CTIF: variants seen among roughly 807,000 people sequenced by gnomAD.
CTIF encodes CBP80/20-dependent translation initiation factor.
A neutral mutation model predicts 66.0 loss-of-function variants in CTIF; 21 were observed. The ratio of observed to expected loss-of-function variants is 0.32; its 90% confidence interval spans 0.23 to 0.46. The LOEUF (loss-of-function observed/expected upper bound fraction) is 0.46. CTIF is among the 20% of genes least tolerant of loss of function. The pLI is 1.00. For missense variants in CTIF, 739 were observed against 812.7 expected (o/e 0.91, Z 1.10); for synonymous variants, 345 against 326.4 (o/e 1.06, Z -0.62).
intron 1 of CTIF, among the ~76,000 whole-genome samples, chr18:48,597,131 A>C (rs2090000976): frequency 6.6e-6 from 1 of 152,220 alleles, no homozygotes; most frequent in Non-Finnish European, 1.5e-5. Flanking sequence ...GTGAACGAAG[A>C]AGTGTAACAT....
At chr18:48,596,985 T>C (rs1599212979) in intron 1 of CTIF, among the ~76,000 whole-genome samples, 1 of 152,138 alleles carries the variant, frequency 6.6e-6, no homozygotes, top group South Asian at 2.1e-4. Context: ...AACCTGAAGG[T>C]GTAAAGCCAT....
intron 6 of CTIF, among the ~76,000 whole-genome samples, chr18:48,678,376 G>T (rs970372457): frequency 1.4e-4 from 21 of 152,028 alleles, no homozygotes; most frequent in African/African-American, 4.8e-4. Context: ...CAAGGAGGGG[G>T]TCTTACAAAC....
chr18:48,663,585 G>A (rs1007700251), intron 3 of CTIF, among the ~76,000 whole-genome samples, 167 bp from the exon 4 acceptor site: 1 of 152,044 alleles, frequency 6.6e-6, no homozygotes, highest in African/African-American at 2.4e-5. Context: ...TGCCTGGGGG[G>A]AGGCCAGGAG....
intron 10 of CTIF, among the ~76,000 whole-genome samples, chr18:48,831,263 C>T (rs979097496): frequency 2.0e-5 from 3 of 152,284 alleles, no homozygotes; most frequent in Non-Finnish European, 2.9e-5. Flanking sequence ...TGCCTCTGTT[C>T]TGTCCCTGCC....
chr18:48,613,815 C>A (rs1168886021), intron 1 of CTIF, among the ~76,000 whole-genome samples: 1 of 152,222 alleles, frequency 6.6e-6, no homozygotes, highest in Non-Finnish European at 1.5e-5. Context: ...GGTCCTGCTG[C>A]AGCCCGGGCC....
At chr18:48,664,868 CTG>C (rs1365744311) in intron 5 of CTIF, among the ~76,000 whole-genome samples, 2 of 151,042 alleles carry the variant, frequency 1.3e-5, no homozygotes, top group Non-Finnish European at 2.9e-5. Flanking sequence ...ACCCCAGAGT[CTG>C]TGATTCCGTA....
intron 1 of CTIF, among the ~76,000 whole-genome samples, chr18:48,616,080 G>GGCT (rs1019466020): frequency 1.3e-5 from 2 of 152,342 alleles, no homozygotes; most frequent in East Asian, 1.9e-4. Context: ...GCCGGCCAGA[G>GGCT]GCTGCTGCTG....
chr18:48,739,632 G>A (rs1179879135), intron 7 of CTIF, among the ~76,000 whole-genome samples: 1 of 152,228 alleles, frequency 6.6e-6, no homozygotes, highest in Non-Finnish European at 1.5e-5. Context: ...TGAGGGTGCT[G>A]CACCCATACT....
chr18:48,850,650 C>T (rs1240959997), intron 10 of CTIF, among the ~76,000 whole-genome samples: 3 of 152,202 alleles, frequency 2.0e-5, no homozygotes, highest in Admixed American at 6.5e-5. Context: ...ATGGAGAGCC[C>T]GGGAGGGCAA....
At chr18:48,647,868 C>G (rs1015689392) in intron 3 of CTIF, among the ~76,000 whole-genome samples, 1 of 152,106 alleles carries the variant, frequency 6.6e-6, no homozygotes, top group Admixed American at 6.5e-5. Flanking sequence ...AGTTCTGAGT[C>G]TGGTACTGGC....
At chr18:48,747,922 T>C (rs2145795471) in intron 7 of CTIF, among the ~76,000 whole-genome samples, 1 of 150,752 alleles carries the variant, frequency 6.6e-6, no homozygotes, top group African/African-American at 2.4e-5. Context: ...AAACCCTGAC[T>C]CTAAGAAATA....
intron 1 of CTIF, among the ~76,000 whole-genome samples, chr18:48,609,593 A>G (rs1408656837): frequency 6.6e-6 from 1 of 152,166 alleles, no homozygotes; most frequent in Non-Finnish European, 1.5e-5. Context: ...CAGCACGCAG[A>G]GAAAAGGTGA....
At chr18:48,567,142 A>G (rs1171727737) in intron 1 of CTIF, 1 of 152,220 alleles carries the variant, frequency 6.6e-6, no homozygotes, top group Non-Finnish European at 1.5e-5. Flanking sequence ...TGATAGCAGA[A>G]GTCTTTCTTT....
chr18:48,788,227 A>G (rs1911892792), intron 9 of CTIF, among the ~76,000 whole-genome samples: 1 of 152,196 alleles, frequency 6.6e-6, no homozygotes, highest in South Asian at 2.1e-4. Flanking sequence ...AGTAACAGCA[A>G]TAGCCTGAGC....
chr18:48,834,140 G>A (rs1428774174), intron 10 of CTIF, among the ~76,000 whole-genome samples: 1 of 152,094 alleles, frequency 6.6e-6, no homozygotes, highest in African/African-American at 2.4e-5. Flanking sequence ...AGGCTCTGCA[G>A]GCCAAGAGGC....
chr18:48,771,091 G>A (rs1910072907), intron 9 of CTIF, among the ~76,000 whole-genome samples: 1 of 152,154 alleles, frequency 6.6e-6, no homozygotes, highest in African/African-American at 2.4e-5. Flanking sequence ...GGATTGACAG[G>A]TGTACTCTTC....
intron 7 of CTIF, among the ~76,000 whole-genome samples, chr18:48,745,301 G>A (rs1267160149): frequency 1.3e-5 from 2 of 152,326 alleles, no homozygotes; most frequent in Non-Finnish European, 1.5e-5. Context: ...CAGGAGGTAC[G>A]TGCTGTTCTT....
At chr18:48,859,225 C>A in intron 11 of CTIF, 119 bp from the exon 12 acceptor site, 1 of 824,476 alleles carries the variant, frequency 1.2e-6, no homozygotes, top group Non-Finnish European at 2.1e-6. Flanking sequence ...GCACAGGGGT[C>A]TGGGCCTGTG....
chr18:48,620,885 G>T (rs2090480597), intron 2 of CTIF, among the ~76,000 whole-genome samples: 1 of 151,994 alleles, frequency 6.6e-6, no homozygotes, highest in Admixed American at 6.6e-5. Context: ...CTGGAACTCA[G>T]ACCAGGAGTC....
Sources: allele counts gnomAD v4.1 joint callset (sites outside exome capture counted in the v4.1 genomes callset), GRCh38; gene constraint gnomAD v4.1.1; transcripts MANE v1.5; gene names NCBI Gene and HGNC (gene_info 2026-07-23, HGNC 2026-07-21).